The following PPARGC1A variants were observed in gnomAD, a reference collection of about 807,000 sequenced individuals.
PPARGC1A encodes the protein peroxisome proliferator-activated receptor gamma coactivator 1-alpha.
In PPARGC1A, 25 loss-of-function variants were observed where a neutral mutation model predicts 88.7. The observed-to-expected ratio is 0.28, with a 90% CI of 0.21 to 0.39. The LOEUF (loss-of-function observed/expected upper bound fraction) is 0.39. Among genes scored for constraint, PPARGC1A ranks in the 10% least tolerant of loss-of-function variants. PPARGC1A has a pLI of 1.00. For synonymous variants in PPARGC1A, 363 were observed against 355.6 expected (o/e 1.02, Z -0.24); for missense variants, 880 against 968.7 (o/e 0.91, Z 1.22).
At chr4:23,997,145 G>C in the PPARGC1A span, among the ~76,000 whole-genome samples, 2 of 152,138 alleles carry the variant, frequency 1.3e-5, no homozygotes, top group African/African-American at 4.8e-5. Flanking sequence ...CAAGTAGCCT[G>C]AGACCCACCA....
chr4:24,215,513 A>G, the PPARGC1A span, among the ~76,000 whole-genome samples: 1 of 152,116 alleles, frequency 6.6e-6, no homozygotes, highest in Middle Eastern at 3.2e-3. Context: ...GCTTAATCAC[A>G]CTGTGCTTGA....
the PPARGC1A span, among the ~76,000 whole-genome samples, chr4:24,074,125 A>G: frequency 2.6e-5 from 4 of 152,172 alleles, no homozygotes; most frequent in Non-Finnish European, 5.9e-5. Context: ...ATTGGAAAAT[A>G]CCTGGAAAAG....
upstream of PPARGC1A, among the ~76,000 whole-genome samples, chr4:23,901,478 A>G: frequency 6.6e-6 from 1 of 150,594 alleles, no homozygotes; most frequent in East Asian, 2.0e-4. Flanking sequence ...CAGGAGGTGG[A>G]GGTTGCAGTG....
intron 2 of PPARGC1A, among the ~76,000 whole-genome samples, chr4:23,861,347 A>G (rs1423975089): frequency 6.6e-6 from 1 of 152,238 alleles, no homozygotes; most frequent in Non-Finnish European, 1.5e-5. Flanking sequence ...TCAACAGCTC[A>G]TGTTACCCAG....
chr4:24,008,774 A>G, the PPARGC1A span, among the ~76,000 whole-genome samples: 2 of 152,118 alleles, frequency 1.3e-5, no homozygotes, highest in African/African-American at 4.8e-5. Flanking sequence ...AGCTGGGAAA[A>G]GCACAGTTCC....
intron 1 of PPARGC1A, among the ~76,000 whole-genome samples, chr4:23,885,407 A>G (rs1218831882): frequency 6.6e-6 from 1 of 152,152 alleles, no homozygotes; most frequent in Admixed American, 6.5e-5. Flanking sequence ...ACTAGGAAAA[A>G]TTTTCTCCAT....
chr4:24,357,939 T>A, the PPARGC1A span, among the ~76,000 whole-genome samples: 4 of 152,350 alleles, frequency 2.6e-5, no homozygotes, highest in East Asian at 7.7e-4. Context: ...TATGTCTTTG[T>A]CAGCAGCGTG....
chr4:24,331,194 C>T, the PPARGC1A span, among the ~76,000 whole-genome samples: 1 of 152,336 alleles, frequency 6.6e-6, no homozygotes, highest in East Asian at 1.9e-4. Flanking sequence ...ATGCTGTGCA[C>T]TCAATAAATG....
At chr4:24,442,116 G>A in the PPARGC1A span, among the ~76,000 whole-genome samples, 1 of 152,050 alleles carries the variant, frequency 6.6e-6, no homozygotes, top group East Asian at 1.9e-4. Flanking sequence ...AAAGTTAACT[G>A]AAATAGACTT....
the PPARGC1A span, among the ~76,000 whole-genome samples, chr4:24,470,428 A>G: frequency 6.6e-6 from 1 of 151,978 alleles, no homozygotes; most frequent in Non-Finnish European, 1.5e-5. The surrounding 1 kb of genome is among the most constrained non-coding windows in gnomAD (Gnocchi z 5.8). Context: ...GATGCAAGGA[A>G]GCGTGGAGAG....
chr4:24,152,983 A>G, the PPARGC1A span, among the ~76,000 whole-genome samples: 1,632 of 152,318 alleles, frequency 0.011, 29 homozygotes, highest in African/African-American at 0.037. Flanking sequence ...TCAGACATGT[A>G]AACAAACACA....
the PPARGC1A span, among the ~76,000 whole-genome samples, chr4:24,271,536 C>G: frequency 2.0e-5 from 3 of 152,128 alleles, no homozygotes; most frequent in African/African-American, 7.2e-5. Flanking sequence ...GGCCACCACC[C>G]CAGCTAATTT....
intron 2 of PPARGC1A, among the ~76,000 whole-genome samples, chr4:23,875,288 T>C (rs1714465435): frequency 6.6e-6 from 1 of 152,178 alleles, no homozygotes; most frequent in African/African-American, 2.4e-5. Context: ...TCTTTTTTGT[T>C]TATTTGCTTA....
chr4:23,813,265 G>A (rs1721285303), intron 8 of PPARGC1A, 140 bp from the exon 9 acceptor site: 3 of 718,284 alleles, frequency 4.2e-6, no homozygotes, highest in Non-Finnish European at 4.8e-6. Context: ...ATTTCCCAGT[G>A]ACAGTTTGTG....
chr4:23,910,222 A>AATATATTATATATAATACATATAAAT, the PPARGC1A span, among the ~76,000 whole-genome samples: 2 of 87,858 alleles, frequency 2.3e-5, no homozygotes, highest in Non-Finnish European at 2.3e-5. Flanking sequence ...TATAATATAT[A>AATATATTATATATAATACATATAAAT]ATATATTATA....
the PPARGC1A span, among the ~76,000 whole-genome samples, chr4:23,976,219 A>G: frequency 1.3e-5 from 2 of 152,240 alleles, no homozygotes; most frequent in African/African-American, 2.4e-5. Context: ...TTATTTGATC[A>G]TTAAATAAAG....
the PPARGC1A span, among the ~76,000 whole-genome samples, chr4:24,247,862 G>T: frequency 6.6e-6 from 1 of 152,150 alleles, no homozygotes; most frequent in Non-Finnish European, 1.5e-5. Context: ...TAAAATGTAA[G>T]CACTTTTGGG....
At chr4:23,981,835 G>C in the PPARGC1A span, among the ~76,000 whole-genome samples, 4 of 151,888 alleles carry the variant, frequency 2.6e-5, no homozygotes, top group East Asian at 5.8e-4. Flanking sequence ...GCTTTTTTTT[G>C]AGGTCACAAG....
At chr4:23,811,890 T>C (rs1274432540) in intron 10 of PPARGC1A, among the ~76,000 whole-genome samples, 5 of 5,890 alleles carry the variant, frequency 8.5e-4, no homozygotes, top group African/African-American at 4.0e-3. Flanking sequence ...AAGAAATGAC[T>C]TTTTTTTTTT....
Sources: allele counts gnomAD v4.1 joint callset (sites outside exome capture counted in the v4.1 genomes callset), GRCh38; gene constraint gnomAD v4.1.1; non-coding constraint Gnocchi (gnomAD v3.1); transcripts MANE v1.5; gene names NCBI Gene and HGNC (gene_info 2026-07-23, HGNC 2026-07-21).